SV2B: variants seen among roughly 807,000 people sequenced by gnomAD.
SV2B encodes synaptic vesicle glycoprotein 2B, also known as solute carrier family 22 member B2.
In SV2B, 41 loss-of-function variants were observed where a neutral mutation model predicts 73.9. The ratio of observed to expected loss-of-function variants is 0.56; its 90% CI spans 0.43 to 0.72. SV2B has a LOEUF of 0.72. Ranked by LOEUF, SV2B falls within the 30% of genes least tolerant of loss-of-function variation. The probability of loss-of-function intolerance (pLI) is 0.00; values close to 1 mark genes in which losing one functional copy is unlikely to be tolerated. For missense variants in SV2B, 764 were observed against 857.8 expected (o/e 0.89, Z 1.37); for synonymous variants, 314 against 314.2 (o/e 1.00, Z 0.01).
Position 91,292,465 on chromosome 15 carries a change from C to T in SV2B, c.1965C>T (p.Val655=), listed in dbSNP as rs2049075935. ...CTTTTGTTGGGATAACCAAAGTGGT[C>T]CCCATCCTTCTGGCTGCTGCTTCTC... The part of the protein sequence containing the change: ...FASFVGITKV[V]PILLAAASLV... Residue 655 remains valine, a synonymous_variant, in exon 13 of 13, where the codon GTC becomes GTT. Transcript: ENST00000394232. 6.2e-7 allele frequency: 1 copy of T among 1,614,068 alleles called. No homozygotes were observed. Among genetic ancestry groups the T allele is most frequent in the South Asian group, 1.1e-5 (1 of 91,088 alleles).
chr15:91,188,299 A>ATTTC (rs1341833046), intron 1 of SV2B, among the ~76,000 whole-genome samples: 2 of 60,456 alleles, frequency 3.3e-5, no homozygotes, highest in African/African-American at 6.6e-5. Flanking sequence ...TTATTTATTT[A>ATTTC]TTTATTTATT....
At chr15:91,292,256 A>T (rs1237011766) in intron 12 of SV2B, 113 bp from the exon 13 acceptor site, 1 of 1,017,274 alleles carries the variant, frequency 9.8e-7, no homozygotes, top group Non-Finnish European at 1.4e-6. Flanking sequence ...TATATTTAGG[A>T]AAAAAAACTC....
chr15:91,170,428 T>C (rs1020053854), intron 1 of SV2B, among the ~76,000 whole-genome samples: 1 of 152,056 alleles, frequency 6.6e-6, no homozygotes, highest in Non-Finnish European at 1.5e-5. Context: ...GCTGGAACTA[T>C]AGGCATGTGC....
Position 91,289,529 on chromosome 15 carries a change from A to G in SV2B, c.1717A>G (p.Met573Val), listed in dbSNP as rs976889246. The G allele has an allele frequency of 5.3e-5, 85 of 1,614,130 alleles. 5 individuals carry two copies. The highest frequency in any genetic ancestry group is 2.5e-6 in the Non-Finnish European group (3 of 1,180,052). ...TTGAACTCCCTCTGCAGGTGGCTCC[A>G]TGCTAATCTCTGCAGTCTGCTGCTT... ...IGRLKMIGGS[M>V]LISAVCCFFL... The change falls in exon 12 of 13, where the codon ATG becomes GTG. Residue 573 changes from methionine to valine, a missense_variant. Physicochemically the swap from Met to Val is conservative, Grantham distance 21. Coordinates refer to ENST00000394232, the MANE Select transcript of SV2B (RefSeq NM_001323032.3). The surrounding 1 kb of genome is among the most constrained non-coding windows in gnomAD (Gnocchi z 4.9).
At chr15:91,188,912 C>T (rs774124985) in intron 1 of SV2B, among the ~76,000 whole-genome samples, 15 of 151,974 alleles carry the variant, frequency 9.9e-5, no homozygotes, top group South Asian at 4.2e-4. Flanking sequence ...CTGCAACCTC[C>T]GCCTCCCAGG....
chr15:91,189,224 G>A (rs1021391098), intron 1 of SV2B, among the ~76,000 whole-genome samples: 3 of 151,400 alleles, frequency 2.0e-5, no homozygotes, highest in African/African-American at 7.3e-5. Flanking sequence ...TGTCATAATT[G>A]GTCCTTGGAA....
intron 10 of SV2B, among the ~76,000 whole-genome samples, chr15:91,282,824 A>G (rs1025821630): frequency 7.2e-5 from 11 of 152,244 alleles, no homozygotes; most frequent in African/African-American, 2.7e-4. Context: ...AATATTCTGG[A>G]GTCTCTTAAT....
intron 1 of SV2B, among the ~76,000 whole-genome samples, chr15:91,117,157 T>G (rs1295378218): frequency 6.6e-6 from 1 of 152,196 alleles, no homozygotes; most frequent in African/African-American, 2.4e-5. Flanking sequence ...TCTCCTGCTT[T>G]TTGTTCCATG....
intron 1 of SV2B, among the ~76,000 whole-genome samples, chr15:91,126,894 C>T (rs931558949): frequency 3.9e-5 from 6 of 152,202 alleles, no homozygotes; most frequent in African/African-American, 1.2e-4. Context: ...CAGTGAACAA[C>T]GTCATAGTTA....
At chr15:91,251,540 C>T (rs2047480266) in intron 2 of SV2B, among the ~76,000 whole-genome samples, 1 of 152,200 alleles carries the variant, frequency 6.6e-6, no homozygotes, top group African/African-American at 2.4e-5. Context: ...CCCTTGTCTG[C>T]AGATTATGTA....
chr15:91,211,801 C>CTTTTTTTTTTTTTTT (rs775815258), intron 1 of SV2B, among the ~76,000 whole-genome samples: 1 of 105,998 alleles, frequency 9.4e-6, no homozygotes, highest in Non-Finnish European at 1.9e-5. Context: ...CTCGCCTGGG[C>CTTTTTTTTTTTTTTT]TTTTTTTTTT....
At position 91,289,697 on chromosome 15, in the gene SV2B, G is replaced by A. The variant is rs1422919003; in HGVS notation, c.1868+17G>A. ...CAACCAGAGGTCAGTTCTTCCCCAG[G>A]CTTTCCTCAGGGACTTGTTTGGGCT... On this transcript the variant is annotated intron_variant, in intron 12 of 12. Transcript: ENST00000394232. This position sits in a 1 kb window ranked among gnomAD's most constrained non-coding sequence, Gnocchi z 4.9. The A allele has an allele frequency of 6.2e-7, 1 of 1,608,014 alleles. No homozygotes were observed. The highest frequency in any genetic ancestry group is 8.5e-7 in the Non-Finnish European group (1 of 1,176,996).
chr15:91,228,286 G>T (rs995955087), intron 2 of SV2B, among the ~76,000 whole-genome samples: 1 of 152,050 alleles, frequency 6.6e-6, no homozygotes, highest in African/African-American at 2.4e-5. Context: ...ATATCACCTG[G>T]AGTTTTTAAA....
rs1272498151 is a variant in SV2B, at chr15:91,122,886, G to A, written c.-392+22523G>A. ...GTTGGGGAGATCCTTGTTGGTCAAAGGATACTAAATTTCAGTTTGACAGGA... is the reference window on the plus strand; with the variant it reads ...GTTGGGGAGATCCTTGTTGGTCAAAAGATACTAAATTTCAGTTTGACAGGA... On this transcript the variant is annotated intron_variant, in intron 1 of 12. Transcript: ENST00000394232. This position sits in a 1 kb window ranked among gnomAD's most constrained non-coding sequence, Gnocchi z 4.3. 6.6e-6 allele frequency among the ~76,000 whole-genome samples: 1 copy of A among 152,126 alleles called. No individual in the cohort carries two copies. Among genetic ancestry groups the A allele is most frequent in the African/African-American group, 2.4e-5 (1 of 41,426 alleles).
intron 9 of SV2B, among the ~76,000 whole-genome samples, chr15:91,276,848 T>C (rs2048509766): frequency 6.7e-6 from 1 of 150,078 alleles, no homozygotes; most frequent in Non-Finnish European, 1.5e-5. Context: ...TGAGACAGAG[T>C]TTTGCTCTTG....
At chr15:91,263,299 GAC>G (rs940178019) in intron 6 of SV2B, among the ~76,000 whole-genome samples, 6 of 150,880 alleles carry the variant, frequency 4.0e-5, no homozygotes, top group Non-Finnish European at 7.4e-5. Flanking sequence ...CAGACACACA[GAC>G]ACAGGAACAC....
chr15:91,168,027 G>T (rs938259196), intron 1 of SV2B, among the ~76,000 whole-genome samples: 8 of 152,096 alleles, frequency 5.3e-5, no homozygotes, highest in Non-Finnish European at 8.8e-5. Flanking sequence ...CTATAATCTG[G>T]GGGATGGTGT....
At chr15:91,201,167 T>C (rs777550596) in intron 1 of SV2B, among the ~76,000 whole-genome samples, 2 of 152,194 alleles carry the variant, frequency 1.3e-5, no homozygotes, top group Non-Finnish European at 2.9e-5. Flanking sequence ...TTGGGTTTTG[T>C]CTTCTCTGGG....
chr15:91,131,870 C>T (rs2042663713), intron 1 of SV2B, among the ~76,000 whole-genome samples: 1 of 152,028 alleles, frequency 6.6e-6, no homozygotes, highest in Non-Finnish European at 1.5e-5. Context: ...GGCTGAGACA[C>T]AAGAATTGCT....
Sources: allele counts gnomAD v4.1 joint callset (sites outside exome capture counted in the v4.1 genomes callset), GRCh38; gene constraint gnomAD v4.1.1; non-coding constraint Gnocchi (gnomAD v3.1); transcripts MANE v1.5; gene names NCBI Gene and HGNC (gene_info 2026-07-23, HGNC 2026-07-21).